Variants in PBX1 observed in about 807,000 individuals in gnomAD.
PBX1 encodes the protein pre-B-cell leukemia transcription factor 1.
PBX1 carries 6 observed loss-of-function variants against 53.4 expected under a neutral mutation model. The ratio of observed to expected loss-of-function variants is 0.11; its 90% confidence interval spans 0.06 to 0.22. PBX1 has a LOEUF of 0.22. PBX1 is among the 10% of genes least tolerant of loss of function. PBX1 has a pLI of 1.00. For synonymous variants in PBX1, 204 were observed against 212.3 expected, an observed-to-expected ratio of 0.96 and a Z score of 0.34; for missense variants, 251 against 551.4, an observed-to-expected ratio of 0.46 and a Z score of 5.46.
chr1:164,880,375 T>A (rs1672618022), intron 2 of PBX1, among the ~76,000 whole-genome samples: 1 of 152,192 alleles, frequency 6.6e-6, no homozygotes, highest in Non-Finnish European at 1.5e-5. Context: ...CTCATCTACA[T>A]TATATCGTGC....
At chr1:164,567,852 G>A (rs932618345) in intron 2 of PBX1, among the ~76,000 whole-genome samples, 4 of 152,112 alleles carry the variant, frequency 2.6e-5, no homozygotes, top group East Asian at 1.9e-4. Flanking sequence ...GGACATGAGA[G>A]CGATTTAGGT....
intron 2 of PBX1, among the ~76,000 whole-genome samples, chr1:164,691,178 C>CTAATTTTTG (rs1253990934): frequency 6.6e-6 from 1 of 151,886 alleles, no homozygotes; most frequent in African/African-American, 2.4e-5. Flanking sequence ...CCATGCCCGG[C>CTAATTTTTG]TAATTTTTGT....
At chr1:164,756,778 A>G (rs1666549163) in intron 2 of PBX1, among the ~76,000 whole-genome samples, 1 of 152,266 alleles carries the variant, frequency 6.6e-6, no homozygotes, top group Admixed American at 6.5e-5. Context: ...GTAACTATAC[A>G]TATTTAGGCT....
At chr1:164,862,955 T>C (rs1223671337) in intron 2 of PBX1, among the ~76,000 whole-genome samples, 1 of 152,254 alleles carries the variant, frequency 6.6e-6, no homozygotes, top group Non-Finnish European at 1.5e-5. Flanking sequence ...TACTTGACTT[T>C]CCAGTTCTTA....
chr1:164,631,903 C>T (rs972047133), intron 2 of PBX1, among the ~76,000 whole-genome samples: 2 of 152,200 alleles, frequency 1.3e-5, no homozygotes, highest in African/African-American at 2.4e-5. Context: ...ACTGGGCAAG[C>T]AGTGTTGTGA....
At chr1:164,603,912 GTACATTATGTCAT>G in intron 2 of PBX1, among the ~76,000 whole-genome samples, 1 of 115,464 alleles carries the variant, frequency 8.7e-6, no homozygotes, top group Non-Finnish European at 1.7e-5. Flanking sequence ...AAGACACTCT[GTACATTATGTCAT>G]TTCATTTTTT....
chr1:164,719,471 A>G (rs904750424), intron 2 of PBX1, among the ~76,000 whole-genome samples: 1 of 152,166 alleles, frequency 6.6e-6, no homozygotes, highest in African/African-American at 2.4e-5. Flanking sequence ...CTTTGTAAAT[A>G]TTGTCTCTAC....
intron 2 of PBX1, among the ~76,000 whole-genome samples, chr1:164,638,411 C>A (rs1658916882): frequency 6.6e-6 from 1 of 152,234 alleles, no homozygotes; most frequent in Non-Finnish European, 1.5e-5. Flanking sequence ...CATAGCATTC[C>A]TCAGTTTCCC....
chr1:164,625,881 G>A, intron 2 of PBX1: 1 of 991,612 alleles, frequency 1.0e-6, no homozygotes, highest in Non-Finnish European at 1.2e-6. Context: ...CTGCCTTTCT[G>A]TAAAATCTAT....
At chr1:164,770,219 G>A (rs1667293954) in intron 2 of PBX1, 1 of 152,102 alleles carries the variant, frequency 6.6e-6, no homozygotes, top group Non-Finnish European at 1.5e-5. Flanking sequence ...TGTTTTCCAG[G>A]TCCGTGTCTT....
chr1:164,685,539 C>A (rs1662047121), intron 2 of PBX1, among the ~76,000 whole-genome samples: 1 of 152,154 alleles, frequency 6.6e-6, no homozygotes, highest in Non-Finnish European at 1.5e-5. Context: ...CTCTTACAGC[C>A]ATGAAATAAT....
chr1:164,710,311 A>C (rs1663679817), intron 2 of PBX1, among the ~76,000 whole-genome samples: 1 of 152,200 alleles, frequency 6.6e-6, no homozygotes, highest in Non-Finnish European at 1.5e-5. Context: ...TCTTATAAGA[A>C]AGACTCCAGA....
intron 2 of PBX1, among the ~76,000 whole-genome samples, chr1:164,638,863 T>G (rs1445318912): frequency 6.6e-6 from 1 of 152,202 alleles, no homozygotes; most frequent in African/African-American, 2.4e-5. Context: ...CATGGAACAT[T>G]GGAAGCGTTT....
chr1:164,809,128 C>A (rs757981495), intron 5 of PBX1, among the ~76,000 whole-genome samples: 9 of 152,088 alleles, frequency 5.9e-5, no homozygotes, highest in Non-Finnish European at 1.3e-4. Flanking sequence ...TATCATGGAA[C>A]CTTCTGCTTT....
rs532308894 is a variant in PBX1 at position 164,592,676 on chromosome 1, G to A, written c.265+29365G>A. Among the ~76,000 whole-genome samples the A allele has an allele frequency of 9.2e-5, 14 of 152,318 alleles. No individual in the cohort carries two copies. The South Asian group carries it at 2.7e-3, about 29-fold the overall frequency. The stretch of plus-strand genomic sequence containing the variant: ...TCTCCACACAGTAAGTTGAAAAGCA[G>A]TACAGGATCTACGACCACATGTGGC... On this transcript the variant is annotated intron_variant, in intron 2 of 8. Transcript: ENST00000420696.
chr1:164,795,496 G>A (rs1016895131), intron 3 of PBX1, among the ~76,000 whole-genome samples: 19 of 152,224 alleles, frequency 1.2e-4, no homozygotes, highest in African/African-American at 4.8e-5. Flanking sequence ...CAGTACAGAA[G>A]CAAATTATGT....
Position 164,593,249 on chromosome 1 carries a change from C to T in PBX1, c.265+29938C>T, listed in dbSNP as rs148759565. Reference sequence around the variant, plus strand: ...CGGGAATAACAGGCATGAGCCACCACGCCTGGCCAACCCTTAGATTCTTTT... The same window carrying T: ...CGGGAATAACAGGCATGAGCCACCATGCCTGGCCAACCCTTAGATTCTTTT... On this transcript the variant is annotated intron_variant, in intron 2 of 8. Coordinates refer to ENST00000420696, the MANE Select transcript of PBX1 (RefSeq NM_002585.4). 4.8e-4 allele frequency among the ~76,000 whole-genome samples: 73 copies of T among 152,292 alleles called. No individual in the cohort carries two copies. In the South Asian group the frequency reaches 7.3e-3, roughly 15 times the overall value.
intron 2 of PBX1, among the ~76,000 whole-genome samples, chr1:164,766,957 C>T (rs1479626794): frequency 6.6e-6 from 1 of 151,582 alleles, no homozygotes; most frequent in African/African-American, 2.4e-5. Context: ...CTCGAACTCC[C>T]GACCTCGTGA....
chr1:164,825,342 A>T (rs1317555609), intron 8 of PBX1, among the ~76,000 whole-genome samples: 1 of 152,166 alleles, frequency 6.6e-6, no homozygotes, highest in Non-Finnish European at 1.5e-5. Flanking sequence ...TGCACTGTAC[A>T]TACATGCGCA....
Sources: allele counts gnomAD v4.1 joint callset (sites outside exome capture counted in the v4.1 genomes callset), GRCh38; gene constraint gnomAD v4.1.1; transcripts MANE v1.5; gene names NCBI Gene and HGNC (gene_info 2026-07-23, HGNC 2026-07-21).